The following TRPC5 variants were observed in gnomAD, a reference collection of about 807,000 sequenced individuals.
The protein encoded by TRPC5 is transient receptor potential cation channel subfamily C member 5.
A neutral mutation model predicts 56.5 loss-of-function variants in TRPC5; 9 were observed. That is an observed-to-expected ratio of 0.16 (90% CI 0.10 to 0.28). TRPC5 has a LOEUF of 0.28. Ranked by LOEUF, TRPC5 falls within the 10% of genes least tolerant of loss-of-function variation. TRPC5 has a pLI of 1.00. For missense variants in TRPC5, 469 were observed against 748.9 expected (o/e 0.63, Z 4.36); for synonymous variants, 282 against 278.5 (o/e 1.01, Z -0.13).
chrX:111,973,905 C>T (rs1368825724), intron 1 of TRPC5, among the ~76,000 whole-genome samples: 2 of 110,847 alleles, frequency 1.8e-5, no homozygotes, highest in African/African-American at 3.3e-5. Context: ...TTGGCCATAG[C>T]GGGAGTATAT....
At chrX:111,970,720 G>A (rs938167415) in intron 1 of TRPC5, among the ~76,000 whole-genome samples, 2 of 109,956 alleles carry the variant, frequency 1.8e-5, no homozygotes, top group Non-Finnish European at 3.8e-5. Context: ...GACGTGGATT[G>A]TAGTCCCAGC....
chrX:112,075,775 A>G (rs1263029708), intron 1 of TRPC5, among the ~76,000 whole-genome samples: 2 of 111,783 alleles, frequency 1.8e-5, no homozygotes, highest in Admixed American at 1.9e-4. Context: ...GAATGGGGCC[A>G]TGCACTAAGG....
At chrX:112,007,061 G>T (rs1353678083) in intron 1 of TRPC5, among the ~76,000 whole-genome samples, 1 of 110,928 alleles carries the variant, frequency 9.0e-6, no homozygotes, top group East Asian at 2.8e-4. Context: ...GGTGGAGTGG[G>T]GGTGGAGTGG....
intron 7 of TRPC5, among the ~76,000 whole-genome samples, chrX:111,809,808 A>T (rs189697810): frequency 9.3e-6 from 1 of 107,623 alleles, no homozygotes; most frequent in Middle Eastern, 4.8e-3. Context: ...TTTAAGATCT[A>T]CTCTCTCAGC....
intron 1 of TRPC5, among the ~76,000 whole-genome samples, chrX:112,063,732 G>A (rs1339325416): frequency 1.8e-5 from 2 of 112,127 alleles, no homozygotes; most frequent in Non-Finnish European, 3.8e-5. Flanking sequence ...ATAATGTCAG[G>A]TAGTATATAA....
intron 7 of TRPC5, among the ~76,000 whole-genome samples, chrX:111,827,298 T>A (rs1260713858): frequency 9.0e-6 from 1 of 111,046 alleles, no homozygotes; most frequent in Non-Finnish European, 1.9e-5. Context: ...AGTGATCTCA[T>A]CTAGTTCCAT....
chrX:112,044,730 C>A (rs1204097076), intron 1 of TRPC5, among the ~76,000 whole-genome samples: 1 of 112,006 alleles, frequency 8.9e-6, no homozygotes, highest in African/African-American at 3.2e-5. Context: ...TGTGTGATTT[C>A]TCACCCCTAA....
At position 111,768,158 on chromosome X, in the gene TRPC5, C is replaced by G. The variant is rs1002339106; in HGVS notation, c.*8155G>C. On this transcript the variant is annotated 3_prime_UTR_variant, in exon 11 of 11. Coordinates refer to ENST00000262839, the MANE Select transcript of TRPC5 (RefSeq NM_012471.3). Reference sequence around the variant, plus strand: ...TGTTTAAATAAAAGTGATAGTTATTCAAAGAGATTTCCACTTTGAAAATAG... The same window carrying G: ...TGTTTAAATAAAAGTGATAGTTATTGAAAGAGATTTCCACTTTGAAAATAG... Among the ~76,000 whole-genome samples the G allele has an allele frequency of 3.6e-5, 4 of 112,384 alleles. No homozygotes were observed. The East Asian group carries it at 1.1e-3, about 31-fold the overall frequency.
chrX:111,987,547 AC>A (rs1170513095), intron 1 of TRPC5, among the ~76,000 whole-genome samples: 1 of 110,086 alleles, frequency 9.1e-6, no homozygotes, highest in Non-Finnish European at 1.9e-5. Flanking sequence ...TATTCATTCA[AC>A]TTTTTTTTTT....
chrX:111,858,800 C>G (rs1034993830), intron 3 of TRPC5, among the ~76,000 whole-genome samples: 6 of 111,733 alleles, frequency 5.4e-5, no homozygotes, highest in Non-Finnish European at 9.4e-5. Context: ...TGTGCCCCAG[C>G]CTTCTTATCT....
At chrX:112,050,353 T>C (rs921603561) in intron 1 of TRPC5, among the ~76,000 whole-genome samples, 7 of 112,610 alleles carry the variant, frequency 6.2e-5, no homozygotes, top group African/African-American at 2.3e-4. Flanking sequence ...GGCTCTCACA[T>C]GGTATGACAT....
intron 1 of TRPC5, among the ~76,000 whole-genome samples, chrX:112,061,874 G>A (rs1350052177): frequency 8.9e-6 from 1 of 112,008 alleles, no homozygotes; most frequent in East Asian, 2.8e-4. Flanking sequence ...GAACCGTAAA[G>A]TGAACTTATA....
intron 3 of TRPC5, among the ~76,000 whole-genome samples, chrX:111,863,370 G>A (rs1923460123): frequency 9.0e-6 from 1 of 111,681 alleles, no homozygotes; most frequent in African/African-American, 3.3e-5. Flanking sequence ...TTTTGGTTTG[G>A]TCTGGTCTGT....
chrX:111,795,679 A>G (rs1228479836), intron 7 of TRPC5, among the ~76,000 whole-genome samples: 1 of 111,600 alleles, frequency 9.0e-6, no homozygotes, highest in African/African-American at 3.3e-5. Flanking sequence ...TGTCAGTTTG[A>G]CTATGATGTA....
intron 7 of TRPC5, among the ~76,000 whole-genome samples, chrX:111,787,548 A>G (rs1198519413): frequency 3.4e-4 from 37 of 108,583 alleles, no homozygotes; most frequent in Non-Finnish European, 6.9e-4. Flanking sequence ...GCAAGAAATA[A>G]CTAAGATCAG....
At chrX:112,016,177 T>G (rs748734481) in intron 1 of TRPC5, among the ~76,000 whole-genome samples, 3 of 111,027 alleles carry the variant, frequency 2.7e-5, no homozygotes, top group Non-Finnish European at 3.8e-5. Context: ...GATGATGAGG[T>G]TGGGAGGAAA....
intron 2 of TRPC5, among the ~76,000 whole-genome samples, chrX:111,949,981 T>C (rs1330755561): frequency 9.3e-6 from 1 of 108,017 alleles, no homozygotes; most frequent in Non-Finnish European, 2.0e-5. Flanking sequence ...AAAGAAACTG[T>C]GGCATATATA....
chrX:111,844,460 CT>C (rs746423281), intron 6 of TRPC5, among the ~76,000 whole-genome samples: 152 of 95,351 alleles, frequency 1.6e-3, no homozygotes, highest in Admixed American at 2.4e-3. Flanking sequence ...TTCTTTCTTT[CT>C]TTTTTTTTTT....
chrX:111,902,134 CTT>C, intron 3 of TRPC5: 1 of 1,150,143 alleles, frequency 8.7e-7, no homozygotes, highest in Non-Finnish European at 1.1e-6. Context: ...ACATGGATAA[CTT>C]ATATGAAGAT....
Sources: allele counts gnomAD v4.1 joint callset (sites outside exome capture counted in the v4.1 genomes callset), GRCh38; gene constraint gnomAD v4.1.1; transcripts MANE v1.5; gene names NCBI Gene and HGNC (gene_info 2026-07-23, HGNC 2026-07-21).